Variants in CEP112 observed in about 807,000 individuals in gnomAD.
The protein encoded by CEP112 is centrosomal protein 112.
In CEP112, 127 loss-of-function variants were observed where a neutral mutation model predicts 153.0. That is an observed-to-expected ratio of 0.83 (90% CI 0.72 to 0.96). The LOEUF (loss-of-function observed/expected upper bound fraction) is 0.96, where lower values mean the gene tolerates loss of function less well. Among genes scored for constraint, CEP112 ranks in the 40% least tolerant of loss-of-function variants. The pLI is 0.00. For missense variants in CEP112, 1,089 were observed against 1,101.2 expected, an observed-to-expected ratio of 0.99 and a Z score of 0.16; for synonymous variants, 358 against 374.4, an observed-to-expected ratio of 0.96 and a Z score of 0.51.
chr17:66,064,086 A>G (rs1008947031), intron 10 of CEP112, among the ~76,000 whole-genome samples: 2 of 152,214 alleles, frequency 1.3e-5, no homozygotes, highest in African/African-American at 4.8e-5. Context: ...TATTCCCATG[A>G]AACCTTGAGT....
chr17:65,835,993 T>G (rs550776565), intron 21 of CEP112, among the ~76,000 whole-genome samples: 1 of 152,312 alleles, frequency 6.6e-6, no homozygotes, highest in African/African-American at 2.4e-5. Flanking sequence ...GCTGTTAAAG[T>G]GCAGTTTTTT....
intron 21 of CEP112, among the ~76,000 whole-genome samples, chr17:65,755,754 T>C (rs2052220877): frequency 6.6e-6 from 1 of 152,008 alleles, no homozygotes; most frequent in African/African-American, 2.4e-5. Flanking sequence ...GAGGTTGTCA[T>C]TACCTAACAT....
intron 23 of CEP112, among the ~76,000 whole-genome samples, chr17:65,698,757 C>T (rs1489890816): frequency 1.3e-5 from 2 of 152,088 alleles, no homozygotes; most frequent in African/African-American, 4.8e-5. Flanking sequence ...AGAACCACAG[C>T]TAGGATTTTG....
At chr17:66,130,496 T>C (rs1395761687) in intron 5 of CEP112, among the ~76,000 whole-genome samples, 6 of 152,102 alleles carry the variant, frequency 3.9e-5, no homozygotes, top group African/African-American at 1.2e-4. Context: ...ACAATTATGG[T>C]TGGGCACAGT....
intron 6 of CEP112, 97 bp from the exon 7 acceptor site, chr17:66,096,729 T>C: frequency 1.3e-6 from 1 of 762,988 alleles, no homozygotes; most frequent in South Asian, 1.8e-5. Context: ...ATATGAAACA[T>C]TTTCTAGATT....
intron 18 of CEP112, among the ~76,000 whole-genome samples, chr17:65,939,263 T>C (rs1456839441): frequency 1.3e-5 from 2 of 152,132 alleles, no homozygotes; most frequent in Non-Finnish European, 2.9e-5. Flanking sequence ...AAACATATCC[T>C]GTGTTCTCGG....
chr17:65,942,781 A>C (rs1473485613), intron 18 of CEP112, among the ~76,000 whole-genome samples: 1 of 152,224 alleles, frequency 6.6e-6, no homozygotes, highest in African/African-American at 2.4e-5. Flanking sequence ...TAAAGTAGGA[A>C]TGTATATTGG....
chr17:65,724,227 A>G (rs2050051130), intron 23 of CEP112, among the ~76,000 whole-genome samples: 1 of 152,218 alleles, frequency 6.6e-6, no homozygotes, highest in South Asian at 2.1e-4. Flanking sequence ...GGGAAATAAC[A>G]GCCTGGTCTT....
intron 23 of CEP112, among the ~76,000 whole-genome samples, chr17:65,698,532 A>G (rs1297926970): frequency 2.0e-5 from 3 of 152,180 alleles, no homozygotes; most frequent in Non-Finnish European, 4.4e-5. Flanking sequence ...CAAGACTTTG[A>G]TGATCTAAGG....
rs187408784 is a variant in CEP112, at chr17:65,876,536, T to C, written c.2164-24502A>G. Among the ~76,000 whole-genome samples, 448 of 152,282 alleles carry C rather than the reference T, an allele frequency of 2.9e-3. 2 individuals carry two copies. The highest frequency in any genetic ancestry group is 0.01 in the African/African-American group (422 of 41,574). On this transcript the variant is annotated intron_variant, in intron 20 of 26. Coordinates refer to ENST00000535342, the MANE Select transcript of CEP112 (RefSeq NM_001199165.4). ...TGTTCTGAAATGTAGCAATGATATGTGGAGACATGGACCTTTTCTTTTGTG... is the reference window on the plus strand; with the variant it reads ...TGTTCTGAAATGTAGCAATGATATGCGGAGACATGGACCTTTTCTTTTGTG...
chr17:66,030,075 T>C (rs541416569), intron 12 of CEP112, 52 bp from the exon 13 acceptor site: 47 of 1,500,384 alleles, frequency 3.1e-5, no homozygotes, highest in East Asian at 1.1e-4. Flanking sequence ...TGTAACACTT[T>C]TGTATCTGTA....
At chr17:66,190,782 A>G (rs2073135362) in intron 1 of CEP112, among the ~76,000 whole-genome samples, 2 of 152,156 alleles carry the variant, frequency 1.3e-5, no homozygotes, top group Non-Finnish European at 2.9e-5. Flanking sequence ...CAGTCAGCAA[A>G]CATAACCAAA....
intron 20 of CEP112, among the ~76,000 whole-genome samples, chr17:65,898,214 T>C (rs993394183): frequency 6.6e-6 from 1 of 152,152 alleles, no homozygotes; most frequent in Non-Finnish European, 1.5e-5. Flanking sequence ...CCAAAAGCCA[T>C]GTATGTAGGT....
At chr17:65,762,202 AT>A (rs977302776) in intron 21 of CEP112, among the ~76,000 whole-genome samples, 41 of 152,052 alleles carry the variant, frequency 2.7e-4, no homozygotes, top group Non-Finnish European at 4.3e-4. Flanking sequence ...ATCCCTGATA[AT>A]TTTTTGTCCT....
At chr17:65,637,441 G>A (rs924565112) in intron 25 of CEP112, among the ~76,000 whole-genome samples, 3 of 152,180 alleles carry the variant, frequency 2.0e-5, no homozygotes, top group Admixed American at 2.0e-4. Context: ...CCATCATTGT[G>A]GCTTTACCTG....
At chr17:65,852,717 C>A (rs963862698) in intron 20 of CEP112, among the ~76,000 whole-genome samples, 9 of 151,744 alleles carry the variant, frequency 5.9e-5, no homozygotes, top group African/African-American at 2.2e-4. Context: ...TCCTGAAATT[C>A]ATCCAGTGTT....
chr17:66,022,551 C>CA (rs1049009762), intron 16 of CEP112, among the ~76,000 whole-genome samples: 4 of 150,808 alleles, frequency 2.7e-5, no homozygotes, highest in Admixed American at 6.6e-5. Flanking sequence ...ACTAAAAATA[C>CA]AAAAAAAATT....
intron 20 of CEP112, among the ~76,000 whole-genome samples, chr17:65,881,983 C>A (rs1349938694): frequency 6.6e-6 from 1 of 152,214 alleles, no homozygotes; most frequent in African/African-American, 2.4e-5. Flanking sequence ...AAATATGGGA[C>A]TTTTGACTGT....
chr17:65,923,559 T>C (rs2060810765), intron 19 of CEP112, among the ~76,000 whole-genome samples: 1 of 152,150 alleles, frequency 6.6e-6, no homozygotes, highest in Non-Finnish European at 1.5e-5. Context: ...AAAAAATATA[T>C]ATAATATAAA....
Sources: allele counts gnomAD v4.1 joint callset (sites outside exome capture counted in the v4.1 genomes callset), GRCh38; gene constraint gnomAD v4.1.1; transcripts MANE v1.5; gene names NCBI Gene and HGNC (gene_info 2026-07-23, HGNC 2026-07-21).